Variants in LHFPL3 observed in about 807,000 individuals in gnomAD.
The protein encoded by LHFPL3 is LHFPL tetraspan subfamily member 3.
In LHFPL3, 5 loss-of-function variants were observed where a neutral mutation model predicts 19.3. The ratio of observed to expected loss-of-function variants is 0.26; its 90% CI spans 0.14 to 0.54. The LOEUF (loss-of-function observed/expected upper bound fraction) is 0.54. LHFPL3 is among the 20% of genes least tolerant of loss of function. LHFPL3 has a pLI of 0.94. For missense variants in LHFPL3, 249 were observed against 307.4 expected (o/e 0.81, Z 1.42); for synonymous variants, 133 against 126.2 (o/e 1.05, Z -0.36).
At chr7:104,583,791 TAA>T (rs1188757385) in intron 1 of LHFPL3, among the ~76,000 whole-genome samples, 1 of 151,566 alleles carries the variant, frequency 6.6e-6, no homozygotes, top group African/African-American at 2.4e-5. Flanking sequence ...TGGCGATCAT[TAA>T]AAAGTCAGGA....
intron 1 of LHFPL3, among the ~76,000 whole-genome samples, chr7:104,622,419 AAATAAT>A (rs1791462809): frequency 6.6e-6 from 1 of 152,164 alleles, no homozygotes; most frequent in Admixed American, 6.6e-5. Flanking sequence ...AGCCTTTAAA[AAATAAT>A]AATAATAACA....
chr7:104,738,969 A>G (rs980127220), intron 2 of LHFPL3: 1 of 152,190 alleles, frequency 6.6e-6, no homozygotes. Context: ...AAGGACGAAA[A>G]TTAGTAGGAG....
chr7:104,448,539 C>T (rs1206249013), intron 1 of LHFPL3, among the ~76,000 whole-genome samples: 1 of 152,152 alleles, frequency 6.6e-6, no homozygotes, highest in Non-Finnish European at 1.5e-5. Flanking sequence ...TGTTGATAGC[C>T]TGTCAATCCA....
chr7:104,719,745 A>G (rs534582446), intron 1 of LHFPL3, among the ~76,000 whole-genome samples: 1 of 152,298 alleles, frequency 6.6e-6, no homozygotes, highest in East Asian at 1.9e-4. Context: ...AATATTCGAA[A>G]GTGATTTCAC....
At position 104,739,613 on chromosome 7, in the gene LHFPL3, GT is replaced by G. The variant is rs139936056; in HGVS notation, c.682+2706del. Among the ~76,000 whole-genome samples the G allele has an allele frequency of 4.6e-3, 693 of 152,006 alleles. 30 individuals carry two copies. The East Asian group carries it at 0.1, about 22-fold the overall frequency. ...ACTATTTTTTTTTGCTGCTGTTCTT[GT>G]TTTGGATTTCACTATTAAGTTTTTT... is the stretch of plus-strand genomic sequence containing the variant. On this transcript the variant is annotated intron_variant, in intron 2 of 2. Transcript: ENST00000424859.
intron 1 of LHFPL3, among the ~76,000 whole-genome samples, chr7:104,444,984 G>A (rs1056888745): frequency 1.2e-4 from 18 of 145,668 alleles, no homozygotes; most frequent in Admixed American, 2.0e-4. Flanking sequence ...GTGAAACTCC[G>A]TCTCCAAAAA....
chr7:104,429,864 A>G (rs894053233), intron 1 of LHFPL3, among the ~76,000 whole-genome samples: 8 of 152,126 alleles, frequency 5.3e-5, no homozygotes, highest in Non-Finnish European at 7.3e-5. Flanking sequence ...AGAAAAAAAA[A>G]GGAGAGTGAT....
chr7:104,715,901 C>A (rs915288393), intron 1 of LHFPL3, among the ~76,000 whole-genome samples: 1 of 152,264 alleles, frequency 6.6e-6, no homozygotes, highest in Non-Finnish European at 1.5e-5. Flanking sequence ...GTAATATTCG[C>A]CTCATAAAAT....
At chr7:104,376,520 C>T (rs1790717154) in intron 1 of LHFPL3, among the ~76,000 whole-genome samples, 1 of 152,178 alleles carries the variant, frequency 6.6e-6, no homozygotes, top group South Asian at 2.1e-4. Context: ...TTTCCATTCT[C>T]CTGATAATGT....
In LHFPL3 at chr7:104,441,246, G is replaced by A. The variant is rs1454098539; in HGVS notation, c.445+112022G>A. On this transcript the variant is annotated intron_variant, in intron 1 of 2. Transcript: ENST00000424859. ...CCACCATTCTACTCTCTGCTTCTAT[G>A]AGTGTGACTATTTTACATGCCTCAT... is the stretch of plus-strand genomic sequence containing the variant. 2.0e-5 allele frequency among the ~76,000 whole-genome samples: 3 copies of A among 152,088 alleles called. No homozygotes were observed. In the East Asian group the frequency reaches 5.8e-4, roughly 29 times the overall value.
intron 2 of LHFPL3, among the ~76,000 whole-genome samples, chr7:104,877,028 A>G (rs921298667): frequency 2.0e-5 from 3 of 152,330 alleles, no homozygotes; most frequent in Admixed American, 1.3e-4. Context: ...TCACAAGGAC[A>G]AAAAACCAAA....
intron 1 of LHFPL3, among the ~76,000 whole-genome samples, chr7:104,354,272 C>G (rs1790231179): frequency 6.6e-6 from 1 of 152,262 alleles, no homozygotes. Context: ...CACCACATTT[C>G]CGCCCTGTCC....
chr7:104,358,438 T>C (rs1413086378), intron 1 of LHFPL3, among the ~76,000 whole-genome samples: 1 of 152,198 alleles, frequency 6.6e-6, no homozygotes, highest in Non-Finnish European at 1.5e-5. Context: ...GTCAGTTTCA[T>C]ATGTTTACCT....
chr7:104,845,306 T>A (rs1402575356), intron 2 of LHFPL3: 1 of 837,390 alleles, frequency 1.2e-6, no homozygotes, highest in Non-Finnish European at 2.0e-6. Context: ...ACGTTGTCAG[T>A]TTTAATCTTT....
chr7:104,820,751 C>T (rs773404110), intron 2 of LHFPL3, among the ~76,000 whole-genome samples: 1 of 152,152 alleles, frequency 6.6e-6, no homozygotes, highest in Non-Finnish European at 1.5e-5. Flanking sequence ...AACCACCCCC[C>T]CAGACCAAAG....
intron 1 of LHFPL3, among the ~76,000 whole-genome samples, chr7:104,369,079 A>G (rs1030569657): frequency 6.6e-6 from 1 of 152,208 alleles, no homozygotes; most frequent in Non-Finnish European, 1.5e-5. Flanking sequence ...TATATACTCA[A>G]AAATTTGTTC....
At chr7:104,793,728 T>C (rs1304937853) in intron 2 of LHFPL3, among the ~76,000 whole-genome samples, 1 of 152,208 alleles carries the variant, frequency 6.6e-6, no homozygotes, top group Admixed American at 6.5e-5. Flanking sequence ...ATTATAGAGC[T>C]GCCAACTTGA....
rs563111114 is a variant in LHFPL3 at position 104,496,328 on chromosome 7, C to A, written c.445+167104C>A. Among the ~76,000 whole-genome samples, 16 of 152,308 alleles carry A rather than the reference C, an allele frequency of 1.1e-4. 1 individual carries two copies. The South Asian group carries it at 2.3e-3, about 22-fold the overall frequency. ...CCTTTTTTATGGCTGCATAGTATTC[C>A]ATGGTGTATATGTGCCACATTTTCT... On this transcript the variant is annotated intron_variant, in intron 1 of 2. Transcript: ENST00000424859.
intron 2 of LHFPL3, among the ~76,000 whole-genome samples, chr7:104,836,473 G>A (rs567988889): frequency 3.1e-4 from 47 of 152,262 alleles, no homozygotes; most frequent in African/African-American, 8.9e-4. Context: ...ACGCAGCCAC[G>A]CAGGAAGAAC....
Sources: allele counts gnomAD v4.1 joint callset (sites outside exome capture counted in the v4.1 genomes callset), GRCh38; gene constraint gnomAD v4.1.1; transcripts MANE v1.5; gene names NCBI Gene and HGNC (gene_info 2026-07-23, HGNC 2026-07-21).